The following HS3ST5 variants were observed in gnomAD, a reference collection of about 807,000 sequenced individuals.
The protein encoded by HS3ST5 is heparan sulfate-glucosamine 3-sulfotransferase 5.
A neutral mutation model predicts 25.4 loss-of-function variants in HS3ST5; 10 were observed. The ratio of observed to expected loss-of-function variants is 0.39; its 90% CI spans 0.24 to 0.67. HS3ST5 has a LOEUF of 0.67. Ranked by LOEUF, HS3ST5 falls within the 30% of genes least tolerant of loss-of-function variation. HS3ST5 has a pLI of 0.44. For synonymous variants in HS3ST5, 170 were observed against 162.4 expected (o/e 1.05, Z -0.36); for missense variants, 324 against 420.7 (o/e 0.77, Z 2.01).
At chr6:114,281,122 CA>C (rs1241005045) in intron 1 of HS3ST5, among the ~76,000 whole-genome samples, 1 of 151,978 alleles carries the variant, frequency 6.6e-6, no homozygotes. Context: ...TATGGTAGAC[CA>C]TTTCCCCAAA....
intron 3 of HS3ST5, among the ~76,000 whole-genome samples, chr6:114,109,284 A>G (rs1776146475): frequency 6.6e-6 from 1 of 151,834 alleles, no homozygotes; most frequent in African/African-American, 2.4e-5. Flanking sequence ...ATATATATAT[A>G]TATGCATTTA....
intron 3 of HS3ST5, chr6:114,084,920 C>T (rs1774714998): frequency 6.2e-6 from 3 of 481,776 alleles, no homozygotes; most frequent in Non-Finnish European, 1.1e-5. Context: ...CAACCTCTGC[C>T]TCCCGGGTTC....
intron 3 of HS3ST5, among the ~76,000 whole-genome samples, chr6:114,145,753 C>A (rs1012960944): frequency 3.3e-5 from 5 of 152,132 alleles, no homozygotes; most frequent in African/African-American, 1.2e-4. Flanking sequence ...TGTGGGGGTG[C>A]TGTGGGAAGC....
At chr6:114,205,602 G>A (rs528567558) in intron 2 of HS3ST5, among the ~76,000 whole-genome samples, 27 of 152,188 alleles carry the variant, frequency 1.8e-4, no homozygotes, top group Non-Finnish European at 3.7e-4. Context: ...GCCCTTCCCC[G>A]CTCCCTGGAC....
At chr6:114,242,725 C>T (rs1026390611) in intron 1 of HS3ST5, among the ~76,000 whole-genome samples, 21 of 151,868 alleles carry the variant, frequency 1.4e-4, no homozygotes, top group African/African-American at 4.4e-4. Flanking sequence ...CGGTGGCGGG[C>T]GCCTGTAGTC....
chr6:114,141,842 T>G (rs935684405), intron 3 of HS3ST5, among the ~76,000 whole-genome samples: 1 of 147,598 alleles, frequency 6.8e-6, no homozygotes, highest in Non-Finnish European at 1.5e-5. Flanking sequence ...CTTTCTGCTC[T>G]ATCTAAGATG....
At chr6:114,322,167 T>A (rs1036904377) in intron 1 of HS3ST5, among the ~76,000 whole-genome samples, 2 of 152,146 alleles carry the variant, frequency 1.3e-5, no homozygotes, top group Non-Finnish European at 2.9e-5. Context: ...AAATTCTACA[T>A]GCCTGCAAAT....
chr6:114,253,359 A>G (rs1000769973), intron 1 of HS3ST5, among the ~76,000 whole-genome samples: 10 of 152,220 alleles, frequency 6.6e-5, no homozygotes, highest in African/African-American at 2.4e-4. Context: ...TTTAGTAGAC[A>G]CAGGTACTTT....
intron 3 of HS3ST5, among the ~76,000 whole-genome samples, chr6:114,107,566 T>C (rs536130693): frequency 2.2e-4 from 33 of 152,172 alleles, no homozygotes; most frequent in Non-Finnish European, 3.7e-4. Context: ...ACAGATTGGA[T>C]AGGGAGTGGT....
At chr6:114,133,594 G>A (rs1777454563) in intron 3 of HS3ST5, among the ~76,000 whole-genome samples, 1 of 152,140 alleles carries the variant, frequency 6.6e-6, no homozygotes. Context: ...ATATTTTAGA[G>A]CATTTATTCA....
At chr6:114,165,440 G>A (rs986498784) in intron 3 of HS3ST5, among the ~76,000 whole-genome samples, 8 of 151,998 alleles carry the variant, frequency 5.3e-5, no homozygotes, top group African/African-American at 1.7e-4. Context: ...CTTCCCCATC[G>A]CCTGCCAGGG....
At chr6:114,215,800 T>G (rs1349525222) in intron 2 of HS3ST5, among the ~76,000 whole-genome samples, 2 of 152,206 alleles carry the variant, frequency 1.3e-5, no homozygotes, top group African/African-American at 4.8e-5. Flanking sequence ...AGCCTATACC[T>G]CCTCATTACT....
intron 2 of HS3ST5, among the ~76,000 whole-genome samples, chr6:114,179,368 C>T (rs1385266052): frequency 6.6e-6 from 1 of 152,136 alleles, no homozygotes; most frequent in Non-Finnish European, 1.5e-5. Context: ...GTGCTAAATA[C>T]TAATCATTTA....
intron 2 of HS3ST5, among the ~76,000 whole-genome samples, chr6:114,206,354 ACTGT>A (rs1562237715): frequency 1.3e-5 from 2 of 152,230 alleles, no homozygotes; most frequent in African/African-American, 4.8e-5. Flanking sequence ...TAAGTGAGAA[ACTGT>A]CTGAATGAAG....
chr6:114,336,363 C>T (rs1776612426), intron 1 of HS3ST5, among the ~76,000 whole-genome samples: 2 of 152,190 alleles, frequency 1.3e-5, no homozygotes, highest in South Asian at 4.1e-4. Context: ...AATCCCACCA[C>T]TTTGGGAGGC....
chr6:114,063,979 G>A (rs1773299634), intron 3 of HS3ST5, among the ~76,000 whole-genome samples: 1 of 152,232 alleles, frequency 6.6e-6, no homozygotes, highest in Non-Finnish European at 1.5e-5. Flanking sequence ...CAGCTGAGGA[G>A]CGTAGGGCTT....
intron 1 of HS3ST5, among the ~76,000 whole-genome samples, chr6:114,270,440 G>A (rs894655233): frequency 1.3e-5 from 2 of 152,132 alleles, no homozygotes; most frequent in South Asian, 2.1e-4. Flanking sequence ...TTTTTAGACT[G>A]CATTATAAAA....
chr6:114,074,759 A>T (rs887587886), intron 3 of HS3ST5, among the ~76,000 whole-genome samples: 2 of 152,172 alleles, frequency 1.3e-5, no homozygotes, highest in Non-Finnish European at 2.9e-5. Flanking sequence ...TGATAGCAAA[A>T]GTACAGCTAA....
At chr6:114,247,696 T>C (rs889575897) in intron 1 of HS3ST5, among the ~76,000 whole-genome samples, 6 of 151,868 alleles carry the variant, frequency 4.0e-5, no homozygotes, top group Non-Finnish European at 8.8e-5. Flanking sequence ...TCATTCAGCT[T>C]TCTCCATGCC....
Sources: allele counts gnomAD v4.1 joint callset (sites outside exome capture counted in the v4.1 genomes callset), GRCh38; gene constraint gnomAD v4.1.1; transcripts MANE v1.5; gene names NCBI Gene and HGNC (gene_info 2026-07-23, HGNC 2026-07-21).